Variants in MCF2L observed in about 807,000 individuals in gnomAD.
The protein encoded by MCF2L is MCF.2 cell line derived transforming sequence like, also known as guanine nucleotide exchange factor DBS.
Under a neutral mutation model 153.4 loss-of-function variants are expected in MCF2L, and 97 were observed. The ratio of observed to expected loss-of-function variants is 0.63; its 90% confidence interval spans 0.54 to 0.75. The LOEUF is 0.75. Among genes scored for constraint, MCF2L ranks in the 30% least tolerant of loss-of-function variants. The probability of loss-of-function intolerance (pLI) is 0.00; values close to 1 mark genes in which losing one functional copy is unlikely to be tolerated. For synonymous variants in MCF2L, 659 were observed against 632.2 expected, an observed-to-expected ratio of 1.04 and a Z score of -0.64; for missense variants, 1,347 against 1,495.2, an observed-to-expected ratio of 0.90 and a Z score of 1.64.
chr13:113,084,446 C>A, intron 18 of MCF2L: 1 of 329,338 alleles, frequency 3.0e-6, no homozygotes, highest in Middle Eastern at 8.7e-4. Flanking sequence ...GCCCCTAGAA[C>A]CATCTGTGCC....
chr13:112,983,815 C>T lies in MCF2L; in HGVS notation c.79+14357C>T, dbSNP rs1304817746. Among the ~76,000 whole-genome samples, 1 of 152,194 alleles carries T rather than the reference C, an allele frequency of 6.6e-6. No individual in the cohort carries two copies. The highest frequency in any genetic ancestry group is 1.5e-5 in the Non-Finnish European group (1 of 68,036). The stretch of plus-strand genomic sequence containing the variant: ...CTGTGTGTCTGGGTCAGGCTGGCTT[C>T]TGCATCTCTGTGGACAGACCTCTCC... On this transcript the variant is annotated intron_variant, in intron 1 of 29. Transcript: ENST00000535094. The surrounding 1 kb of genome is among the most constrained non-coding windows in gnomAD (Gnocchi z 4.0).
intron 3 of MCF2L, chr13:113,044,326 T>C: frequency 9.3e-6 from 3 of 322,254 alleles, no homozygotes; most frequent in South Asian, 8.5e-5. Context: ...GTCTTGGGAG[T>C]TGCTGTTTCT....
chr13:112,948,464 A>G (rs1052263330), intron 2 of MCF2L, among the ~76,000 whole-genome samples: 1 of 152,232 alleles, frequency 6.6e-6, no homozygotes, highest in Admixed American at 6.5e-5. Context: ...AAATTATCTT[A>G]GTTCATCACT....
In MCF2L at chr13:113,074,446, C is replaced by T. The variant is rs375957309; in HGVS notation, c.999C>T (p.Val333=). The change falls in exon 10 of 30, where the codon GTC becomes GTT. Residue 333 remains valine, a splice_region_variant and synonymous_variant. Coordinates refer to ENST00000535094, the MANE Select transcript of MCF2L (RefSeq NM_001112732.3). The surrounding 1 kb of genome is among the most constrained non-coding windows in gnomAD (Gnocchi z 4.2). ...LRHFEQGFRE[V]KAILDAASQK... is the part of the protein sequence containing the mutation. ...AGATGGGCCCTCCTCTGTTCCAGGT[C>T]AAAGCCATCTTGGACGCAGCGTCCC... The T allele has an allele frequency of 1.1e-5, 17 of 1,613,122 alleles. No homozygotes were observed. The highest frequency in any genetic ancestry group is 1.4e-5 in the Non-Finnish European group (16 of 1,179,330).
chr13:112,936,279 C>CAA (rs34826552), intron 2 of MCF2L, among the ~76,000 whole-genome samples: 749 of 74,000 alleles, frequency 0.01, 16 homozygotes, highest in Admixed American at 0.024. Context: ...GACTCTGTCT[C>CAA]AAAAAAAAAA....
chr13:112,962,536 C>G (rs2140761920), intron 2 of MCF2L, among the ~76,000 whole-genome samples: 1 of 152,298 alleles, frequency 6.6e-6, no homozygotes, highest in South Asian at 2.1e-4. Flanking sequence ...AGGCCTGGTC[C>G]CTGGCCAGTG....
chr13:112,963,738 C>G (rs1052616293), intron 2 of MCF2L, among the ~76,000 whole-genome samples: 2 of 152,212 alleles, frequency 1.3e-5, no homozygotes, highest in African/African-American at 4.8e-5. Flanking sequence ...TGGAGTCGCC[C>G]TGGAGTAGGA....
chr13:113,007,926 T>C (rs1472939807), intron 1 of MCF2L, among the ~76,000 whole-genome samples: 1 of 149,978 alleles, frequency 6.7e-6, no homozygotes, highest in Non-Finnish European at 1.5e-5. Context: ...CTTTTTTTTT[T>C]TTTTTTTTGA....
intron 9 of MCF2L, among the ~76,000 whole-genome samples, chr13:113,071,177 A>G (rs1465501888): frequency 1.3e-5 from 2 of 152,138 alleles, no homozygotes; most frequent in Non-Finnish European, 2.9e-5. Flanking sequence ...CTTATTTGCC[A>G]TTCGCATATC....
Position 113,002,116 on chromosome 13 carries a change from T to C in MCF2L, c.80-12647T>C, listed in dbSNP as rs1001006829. On this transcript the variant is annotated intron_variant, in intron 1 of 29. Transcript: ENST00000535094. ...GGCTGCTGGGGCAGAAGCCCGGGGC[T>C]GGGGGATGCCGGGGATGGATGTTGG... 1.1e-4 allele frequency: 114 copies of C among 1,032,944 alleles called. No homozygotes were observed. The South Asian group carries it at 2.2e-3, about 20-fold the overall frequency. 64.0% of individuals were successfully genotyped at this position (1,032,944 alleles called of 1,614,324 possible).
Position 113,027,075 on chromosome 13 carries a change from A to G in MCF2L, c.278+2317A>G, listed in dbSNP as rs1432843687. 1.4e-5 allele frequency: 11 copies of G among 762,170 alleles called. No homozygotes were observed. The highest frequency in any genetic ancestry group is 7.0e-5 in the Admixed American group (4 of 57,550). 47.2% of individuals were successfully genotyped at this position (762,170 alleles called of 1,614,324 possible). ...AAACAGAAATATCCTTAAATATGGC[A>G]TCTGTATCCCGCACATTACATAAGG... On this transcript the variant is annotated intron_variant, in intron 3 of 29. Transcript: ENST00000535094. This position sits in a 1 kb window ranked among gnomAD's most constrained non-coding sequence, Gnocchi z 4.8.
chr13:113,049,915 G>C (rs190212555), intron 4 of MCF2L, among the ~76,000 whole-genome samples: 1 of 152,290 alleles, frequency 6.6e-6, no homozygotes, highest in East Asian at 1.9e-4. Context: ...GACATTGGAA[G>C]AGCCAAAATC....
chr13:113,090,725 C>A, intron 26 of MCF2L: 1 of 985,480 alleles, frequency 1.0e-6, no homozygotes, highest in Non-Finnish European at 1.2e-6. Context: ...TGAAGGCCAG[C>A]GTGGACAAGG....
intron 1 of MCF2L, among the ~76,000 whole-genome samples, chr13:112,992,532 C>G (rs2082935410): frequency 6.6e-6 from 1 of 152,228 alleles, no homozygotes; most frequent in Non-Finnish European, 1.5e-5. Flanking sequence ...GTGGCCACGT[C>G]TCATCCTCAG....
intron 1 of MCF2L, among the ~76,000 whole-genome samples, chr13:112,986,255 G>A (rs940040564): frequency 2.0e-5 from 3 of 152,266 alleles, no homozygotes; most frequent in African/African-American, 7.2e-5. Context: ...GCTTTCCCGG[G>A]GCCCAGAGTG....
chr13:112,999,456 A>G (rs1441106639), intron 1 of MCF2L, among the ~76,000 whole-genome samples: 2 of 152,116 alleles, frequency 1.3e-5, no homozygotes, highest in Non-Finnish European at 2.9e-5. Context: ...TTAAAAACTG[A>G]GGCCCTTCTG....
At chr13:112,939,700 G>A (rs931987256) in intron 2 of MCF2L, among the ~76,000 whole-genome samples, 4 of 152,186 alleles carry the variant, frequency 2.6e-5, no homozygotes, top group African/African-American at 9.7e-5. Context: ...TAGGCAAGCC[G>A]GATGCAGTGG....
At chr13:113,001,171 C>T (rs1168641008) in intron 1 of MCF2L, 2 of 152,130 alleles carry the variant, frequency 1.3e-5, no homozygotes, top group African/African-American at 2.4e-5. Flanking sequence ...AAGTATCCCC[C>T]TCCCGGTCCT....
chr13:112,896,115 C>T (rs1345900022), intron 1 of MCF2L, among the ~76,000 whole-genome samples: 1 of 152,240 alleles, frequency 6.6e-6, no homozygotes, highest in East Asian at 1.9e-4. Context: ...CCACCTCCCC[C>T]ATCACTGTGC....
Sources: allele counts gnomAD v4.1 joint callset (sites outside exome capture counted in the v4.1 genomes callset), GRCh38; gene constraint gnomAD v4.1.1; non-coding constraint Gnocchi (gnomAD v3.1); transcripts MANE v1.5; gene names NCBI Gene and HGNC (gene_info 2026-07-23, HGNC 2026-07-21).